MMP16: variants seen among roughly 807,000 people sequenced by gnomAD.
MMP16 encodes the protein matrix metalloproteinase-16.
MMP16 carries 12 observed loss-of-function variants against 67.8 expected under a neutral mutation model. The observed-to-expected ratio is 0.18, with a 90% confidence interval of 0.11 to 0.29. MMP16 has a LOEUF of 0.29. MMP16 is among the 10% of genes least tolerant of loss of function. The pLI, the probability that MMP16 is intolerant of heterozygous loss-of-function variation, is 1.00. For missense variants in MMP16, 475 were observed against 765.7 expected (o/e 0.62, Z 4.48); for synonymous variants, 249 against 255.9 (o/e 0.97, Z 0.26).
intron 1 of MMP16, among the ~76,000 whole-genome samples, chr8:88,229,130 T>C (rs1016118966): frequency 2.0e-5 from 3 of 151,982 alleles, no homozygotes; most frequent in African/African-American, 4.8e-5. Flanking sequence ...GTTACAATGA[T>C]GGAAAAATGC....
At chr8:88,226,070 T>C (rs1320024160) in intron 1 of MMP16, among the ~76,000 whole-genome samples, 1 of 151,978 alleles carries the variant, frequency 6.6e-6, no homozygotes, top group Admixed American at 6.6e-5. Context: ...CTTTCAGTCA[T>C]GCTCATGGCA....
chr8:88,049,915 C>T (rs1446768272), intron 8 of MMP16, among the ~76,000 whole-genome samples: 2 of 152,152 alleles, frequency 1.3e-5, no homozygotes, highest in Non-Finnish European at 2.9e-5. Flanking sequence ...GTTCCAGCTA[C>T]TCAGGAGGCT....
chr8:88,051,115 A>G (rs959654935), intron 8 of MMP16, among the ~76,000 whole-genome samples: 1 of 152,178 alleles, frequency 6.6e-6, no homozygotes, highest in Non-Finnish European at 1.5e-5. Flanking sequence ...TTTCCAGTAA[A>G]CTAGAATGCA....
intron 4 of MMP16, among the ~76,000 whole-genome samples, chr8:88,139,308 C>G (rs1808173018): frequency 6.6e-6 from 1 of 152,032 alleles, no homozygotes; most frequent in Non-Finnish European, 1.5e-5. Flanking sequence ...AATATATTCT[C>G]TTCTCAAACA....
rs75963156 is a variant in MMP16 at position 88,243,398 on chromosome 8, G to A, written c.133-46092C>T. Among the ~76,000 whole-genome samples, 23 of 152,244 alleles carry A rather than the reference G, an allele frequency of 1.5e-4. No individual in the cohort carries two copies. The East Asian group carries it at 4.3e-3, about 28-fold the overall frequency. ...TCAGAATGTTGATGCACCAGGCAAC[G>A]CCAGCTCCTGGTCCCCACATCACTG... On this transcript the variant is annotated intron_variant, in intron 1 of 9. Coordinates refer to ENST00000286614, the MANE Select transcript of MMP16 (RefSeq NM_005941.5).
chr8:88,117,962 G>T (rs144092028), intron 5 of MMP16, among the ~76,000 whole-genome samples: 4 of 152,146 alleles, frequency 2.6e-5, no homozygotes, highest in East Asian at 3.9e-4. Flanking sequence ...TTGCAACTAT[G>T]TGTGAAATAA....
At chr8:88,243,695 G>A (rs1372106151) in intron 1 of MMP16, among the ~76,000 whole-genome samples, 3 of 152,160 alleles carry the variant, frequency 2.0e-5, no homozygotes, top group Admixed American at 6.5e-5. Flanking sequence ...ATCGTTGGAA[G>A]AAGGCCCAAA....
chr8:88,081,141 C>G (rs1563526055), intron 6 of MMP16, among the ~76,000 whole-genome samples: 1 of 152,002 alleles, frequency 6.6e-6, no homozygotes, highest in South Asian at 2.1e-4. Context: ...GAAGAGCCAG[C>G]AACGAACACT....
At position 88,036,362 on chromosome 8, in the gene MMP16, T is replaced by C. The variant is rs1050588147; in HGVS notation, c.*5099A>G. ...TATTATCAAGGAGTGTTATAGTTTG[T>C]CTTTATATTTAACAAAAGACTCATT... is the stretch of plus-strand genomic sequence containing the variant. On this transcript the variant is annotated 3_prime_UTR_variant, in exon 10 of 10. Transcript: ENST00000286614. 3 of 151,870 alleles carry C rather than the reference T, an allele frequency of 2.0e-5. No homozygotes were observed. Among genetic ancestry groups the C allele is most frequent in the Non-Finnish European group, 4.4e-5 (3 of 67,852 alleles). 9.4% of individuals were successfully genotyped at this position (151,870 alleles called of 1,614,324 possible).
chr8:88,273,380 C>T (rs13248408), intron 1 of MMP16, among the ~76,000 whole-genome samples: 18,392 of 151,744 alleles, frequency 0.12, 1,227 homozygotes, highest in Non-Finnish European at 0.14. Context: ...CGTGAGCCAC[C>T]GCACCTGGCC....
At chr8:88,118,610 T>C in intron 5 of MMP16, 90 bp downstream of exon 5, 1 of 1,203,442 alleles carries the variant, frequency 8.3e-7, no homozygotes. Context: ...ATCTGTGTTA[T>C]ACTTAGAGCA....
intron 3 of MMP16, among the ~76,000 whole-genome samples, chr8:88,184,345 A>T (rs1489548625): frequency 6.6e-6 from 1 of 152,038 alleles, no homozygotes; most frequent in African/African-American, 2.4e-5. Flanking sequence ...GGTTTGCCCT[A>T]ATCGGCAGTA....
intron 1 of MMP16, among the ~76,000 whole-genome samples, chr8:88,265,987 C>T (rs2129961248): frequency 6.6e-6 from 1 of 152,268 alleles, no homozygotes; most frequent in East Asian, 1.9e-4. Context: ...TTAGAACTGC[C>T]TTGTCGATTA....
At chr8:88,218,825 A>C (rs540940696) in intron 1 of MMP16, among the ~76,000 whole-genome samples, 4 of 152,194 alleles carry the variant, frequency 2.6e-5, no homozygotes, top group Non-Finnish European at 5.9e-5. Flanking sequence ...TTAAAATCTA[A>C]AGTAAACTAC....
chr8:88,264,523 T>C (rs998090397), intron 1 of MMP16, among the ~76,000 whole-genome samples: 2 of 152,190 alleles, frequency 1.3e-5, no homozygotes, highest in African/African-American at 4.8e-5. Context: ...TTTTGATCAT[T>C]TAGAAATATC....
chr8:88,192,234 T>TA (rs1304612284), intron 2 of MMP16, among the ~76,000 whole-genome samples: 30 of 152,224 alleles, frequency 2.0e-4, no homozygotes, highest in Admixed American at 2.0e-3. Flanking sequence ...AACTTAGGGC[T>TA]AAAAATGTTG....
chr8:88,060,323 A>G (rs1189060266), intron 7 of MMP16, among the ~76,000 whole-genome samples: 1 of 152,028 alleles, frequency 6.6e-6, no homozygotes. Context: ...TGTTATTTCA[A>G]CAGTTTCCTT....
chr8:88,101,253 C>G (rs1809139424), intron 6 of MMP16, among the ~76,000 whole-genome samples: 1 of 151,850 alleles, frequency 6.6e-6, no homozygotes, highest in African/African-American at 2.4e-5. Flanking sequence ...AGTATATTTT[C>G]TTAAACACCA....
At chr8:88,161,284 A>T (rs1324891974) in intron 4 of MMP16, among the ~76,000 whole-genome samples, 1 of 152,122 alleles carries the variant, frequency 6.6e-6, no homozygotes, top group Non-Finnish European at 1.5e-5. Context: ...GGGACGGTGT[A>T]TGTGTCCAGG....
Sources: allele counts gnomAD v4.1 joint callset (sites outside exome capture counted in the v4.1 genomes callset), GRCh38; gene constraint gnomAD v4.1.1; transcripts MANE v1.5; gene names NCBI Gene and HGNC (gene_info 2026-07-23, HGNC 2026-07-21).